ARHGAP15: variants seen among roughly 807,000 people sequenced by gnomAD.
The protein encoded by ARHGAP15 is rho GTPase-activating protein 15.
ARHGAP15 carries 51 observed loss-of-function variants against 63.7 expected under a neutral mutation model. That is an observed-to-expected ratio of 0.80 (90% CI 0.64 to 1.01). ARHGAP15 has a LOEUF of 1.01. ARHGAP15 is among the 50% of genes least tolerant of loss of function. The probability of loss-of-function intolerance (pLI) is 0.00; values close to 1 mark genes in which losing one functional copy is unlikely to be tolerated. For missense variants in ARHGAP15, 560 were observed against 564.6 expected, an observed-to-expected ratio of 0.99 and a Z score of 0.08; for synonymous variants, 191 against 193.8, an observed-to-expected ratio of 0.99 and a Z score of 0.12.
intron 9 of ARHGAP15, among the ~76,000 whole-genome samples, chr2:143,512,689 T>C (rs986484828): frequency 7.4e-4 from 112 of 152,210 alleles, no homozygotes; most frequent in Non-Finnish European, 4.4e-5. Context: ...TCTATTAAAA[T>C]GGGTGGGAGG....
chr2:143,437,265 C>A lies in ARHGAP15; in HGVS notation c.703+223C>A. On this transcript the variant is annotated intron_variant, in intron 8 of 13. Coordinates refer to ENST00000295095, the MANE Select transcript of ARHGAP15 (RefSeq NM_018460.4). ...AAAATAATTGTTCCAAGGTCATGGTCTCTGCTTACAGCAAACCTCTGAATC... is the reference window on the plus strand; with the variant it reads ...AAAATAATTGTTCCAAGGTCATGGTATCTGCTTACAGCAAACCTCTGAATC... 6.5e-6 allele frequency: 3 copies of A among 459,940 alleles called. No individual in the cohort carries two copies. The South Asian group carries it at 7.5e-5, about 11-fold the overall frequency. 28.5% of individuals were successfully genotyped at this position (459,940 alleles called of 1,614,324 possible).
chr2:143,571,164 G>GCAAA (rs1268322290), intron 11 of ARHGAP15, among the ~76,000 whole-genome samples: 1 of 152,140 alleles, frequency 6.6e-6, no homozygotes, highest in Non-Finnish European at 1.5e-5. Context: ...AAATGGGACT[G>GCAAA]TTTATTTGCA....
chr2:143,392,700 G>GA (rs1687586263), intron 6 of ARHGAP15, among the ~76,000 whole-genome samples: 1 of 152,132 alleles, frequency 6.6e-6, no homozygotes, highest in Non-Finnish European at 1.5e-5. Context: ...AACATAAACA[G>GA]AAAATTAATG....
chr2:143,437,113 G>T (rs1689648316), intron 8 of ARHGAP15, 71 bp downstream of exon 8: 1 of 1,483,494 alleles, frequency 6.7e-7, no homozygotes, highest in Non-Finnish European at 9.1e-7. Context: ...TAAATGCATT[G>T]AAATGAGATT....
chr2:143,431,871 C>A (rs547491240), intron 6 of ARHGAP15, among the ~76,000 whole-genome samples: 29 of 152,084 alleles, frequency 1.9e-4, no homozygotes, highest in Non-Finnish European at 3.4e-4. Context: ...GGGATTTATT[C>A]TGCAATCAGA....
intron 10 of ARHGAP15, among the ~76,000 whole-genome samples, chr2:143,543,195 T>C (rs1157453759): frequency 2.0e-5 from 3 of 152,108 alleles, no homozygotes; most frequent in African/African-American, 7.2e-5. Flanking sequence ...TTCACATCCT[T>C]GCCAACACTT....
chr2:143,150,428 G>A (rs140549813), intron 1 of ARHGAP15, among the ~76,000 whole-genome samples: 56 of 152,048 alleles, frequency 3.7e-4, no homozygotes, highest in Non-Finnish European at 6.9e-4. Context: ...ATCGAACCAC[G>A]TAGTTTGAGC....
chr2:143,492,492 C>T (rs982254085), intron 9 of ARHGAP15, among the ~76,000 whole-genome samples: 2 of 152,154 alleles, frequency 1.3e-5, no homozygotes, highest in African/African-American at 2.4e-5. Context: ...GCATGGTTGG[C>T]TCATGCCTGT....
intron 13 of ARHGAP15, among the ~76,000 whole-genome samples, chr2:143,735,575 G>A (rs1162407269): frequency 2.0e-5 from 3 of 152,096 alleles, no homozygotes; most frequent in South Asian, 2.1e-4. Context: ...TATTCTTCTT[G>A]TCCTGGATTG....
At chr2:143,628,261 A>G (rs1450531341) in intron 12 of ARHGAP15, among the ~76,000 whole-genome samples, 1 of 152,046 alleles carries the variant, frequency 6.6e-6, no homozygotes, top group Non-Finnish European at 1.5e-5. Flanking sequence ...TATCTTTGCT[A>G]TCGTGAATAG....
chr2:143,211,169 G>A (rs1692543691), intron 3 of ARHGAP15, among the ~76,000 whole-genome samples: 1 of 152,054 alleles, frequency 6.6e-6, no homozygotes, highest in African/African-American at 2.4e-5. Flanking sequence ...AGCATGAATA[G>A]CAGAGACAGT....
At chr2:143,553,226 T>G (rs1332574890) in intron 10 of ARHGAP15, among the ~76,000 whole-genome samples, 2 of 152,212 alleles carry the variant, frequency 1.3e-5, no homozygotes, top group African/African-American at 4.8e-5. Flanking sequence ...TCCAGATTAT[T>G]TTGCAAAATG....
intron 2 of ARHGAP15, among the ~76,000 whole-genome samples, chr2:143,174,218 C>T (rs981077521): frequency 3.5e-4 from 53 of 152,184 alleles, no homozygotes; most frequent in African/African-American, 1.3e-3. Context: ...ATTATTAAAG[C>T]TGTAACTGAA....
At chr2:143,376,146 C>T (rs542679613) in intron 6 of ARHGAP15, among the ~76,000 whole-genome samples, 11 of 152,240 alleles carry the variant, frequency 7.2e-5, no homozygotes, top group African/African-American at 2.6e-4. Flanking sequence ...CATTATGCAA[C>T]CCTTTAGTAT....
chr2:143,263,821 G>A (rs910827319), intron 6 of ARHGAP15, among the ~76,000 whole-genome samples: 8 of 150,064 alleles, frequency 5.3e-5, no homozygotes, highest in African/African-American at 2.0e-4. Flanking sequence ...TCTCAAGATG[G>A]CTGCTTGCCT....
intron 5 of ARHGAP15, among the ~76,000 whole-genome samples, chr2:143,249,068 A>G (rs1273097261): frequency 6.6e-6 from 1 of 152,198 alleles, no homozygotes; most frequent in East Asian, 1.9e-4. Flanking sequence ...TCATGCTTTG[A>G]AATCTAAAAT....
At chr2:143,500,842 G>T (rs982306099) in intron 9 of ARHGAP15, among the ~76,000 whole-genome samples, 5 of 152,134 alleles carry the variant, frequency 3.3e-5, no homozygotes, top group African/African-American at 1.2e-4. Flanking sequence ...GAGCAAAAGA[G>T]AGAAATTTCA....
chr2:143,750,357 C>T (rs965502369), intron 13 of ARHGAP15, among the ~76,000 whole-genome samples: 20 of 152,262 alleles, frequency 1.3e-4, no homozygotes, highest in African/African-American at 3.8e-4. Flanking sequence ...AGGAGAACTG[C>T]TTGAACCAGG....
chr2:143,517,215 G>C (rs981712787), intron 9 of ARHGAP15, among the ~76,000 whole-genome samples: 2 of 152,030 alleles, frequency 1.3e-5, no homozygotes, highest in African/African-American at 4.8e-5. Flanking sequence ...CCAAAGTGCT[G>C]GGATTACAGG....
Sources: gnomAD v4.1 joint callset for allele counts (sites outside exome capture counted in the v4.1 genomes callset) on GRCh38, gnomAD v4.1.1 for gene constraint, MANE v1.5 for transcripts, NCBI Gene and HGNC (gene_info 2026-07-23, HGNC 2026-07-21) for gene names.